The following CCDC9B variants were observed in gnomAD, a reference collection of about 807,000 sequenced individuals.
The protein encoded by CCDC9B is coiled-coil domain-containing protein 9B.
Under a neutral mutation model 47.2 loss-of-function variants are expected in CCDC9B, and 40 were observed. That is an observed-to-expected ratio of 0.85 (90% CI 0.66 to 1.10). CCDC9B has a LOEUF of 1.10. CCDC9B is among the 50% of genes least tolerant of loss of function. CCDC9B has a pLI of 0.00. For synonymous variants in CCDC9B, 238 were observed against 250.7 expected, an observed-to-expected ratio of 0.95 and a Z score of 0.48; for missense variants, 662 against 651.0, an observed-to-expected ratio of 1.02 and a Z score of -0.18.
At chr15:40,339,390 A>C in intron 3 of CCDC9B, 122 bp downstream of exon 3, 1 of 1,015,778 alleles carries the variant, frequency 9.8e-7, no homozygotes, top group Non-Finnish European at 1.5e-6. Context: ...GGAGGTTGGG[A>C]GCTGGCAGGT....
chr15:40,340,108 C>A, intron 1 of CCDC9B, 93 bp from the exon 2 acceptor site: 5 of 734,874 alleles, frequency 6.8e-6, no homozygotes, highest in Non-Finnish European at 1.1e-5. Context: ...GAAGAGATCC[C>A]AGACCCACAG....
At chr15:40,338,103 C>T (rs530061424) in intron 5 of CCDC9B, 7 of 729,064 alleles carry the variant, frequency 9.6e-6, no homozygotes, top group East Asian at 8.0e-5. Context: ...CTCATTTCCT[C>T]GTGTAAAATG....
At position 40,338,444 on chromosome 15, in the gene CCDC9B, C is replaced by G. The variant is rs933352474; in HGVS notation, c.513+91G>C. On this transcript the variant is annotated intron_variant, in intron 5 of 10. Transcript: ENST00000397536. ...GCATGTGCTCCCTTGGCCACGTCCC[C>G]GCAAATGAGGGACATATCTGACTCA... 10 of 1,462,620 alleles carry G rather than the reference C, an allele frequency of 6.8e-6. No homozygotes were observed. In the East Asian group the frequency reaches 1.1e-4, roughly 17 times the overall value. The allele number at this position is 1,462,620 out of a possible 1,614,324, so 90.6% of individuals were successfully genotyped here.
chr15:40,338,957 G>A (rs762520056), intron 3 of CCDC9B, 54 bp from the exon 4 acceptor site: 13 of 1,602,470 alleles, frequency 8.1e-6, no homozygotes, highest in African/African-American at 1.3e-5. Context: ...GGACCTGGGT[G>A]CTGGGTCCTC....
chr15:40,335,458 G>C lies in CCDC9B; in HGVS notation c.1173C>G (p.Ser391Arg), dbSNP rs772463785. ...CAGGCCTCAGACCGAGCACACACCC[G>C]CTCTCCCTGGGCCCAGGGATGCCAG... ...GGAGIPGPRESGCVLGLRPGA... is the reference protein window; with the variant it reads ...GGAGIPGPRERGCVLGLRPGA... The change falls in exon 11 of 11, where the codon AGC (serine) becomes AGG (arginine). Residue 391 changes from serine (S) to arginine (R), a missense_variant. Physicochemically the swap from Ser to Arg is moderately radical, Grantham distance 110. Coordinates refer to ENST00000397536, the MANE Select transcript of CCDC9B (RefSeq NM_207380.3). The C allele has an allele frequency of 6.2e-7, 1 of 1,603,228 alleles. No homozygotes were observed. The highest frequency in any genetic ancestry group is 2.3e-5 in the East Asian group (1 of 44,222).
At position 40,335,589 on chromosome 15, in the gene CCDC9B, A is replaced by T; in HGVS notation, c.1042T>A (p.Ser348Thr). ...GACTCCCCCTTCGGCCCCTCTGGGGATGCCAGGGCTGGGCTGGCTGCAGGG... is the reference window on the plus strand; with the variant it reads ...GACTCCCCCTTCGGCCCCTCTGGGGTTGCCAGGGCTGGGCTGGCTGCAGGG... Reference protein sequence around the residue: ...SAPAASPALASPEGPKGESVA... With the variant: ...SAPAASPALATPEGPKGESVA... Residue 348 changes from serine (S) to threonine (T), a missense_variant, in exon 11 of 11, where the codon TCC becomes ACC. Transcript: ENST00000397536. 1 of 1,500,550 alleles carries T rather than the reference A, an allele frequency of 6.7e-7. No homozygotes were observed. Among genetic ancestry groups the T allele is most frequent in the Non-Finnish European group, 8.9e-7 (1 of 1,122,288 alleles). The allele number at this position is 1,500,550 out of a possible 1,614,324, so 93.0% of individuals were successfully genotyped here.
At position 40,332,046 on chromosome 15, in the gene CCDC9B, G is replaced by GT. The variant is rs1888870049; in HGVS notation, c.*3111dup. On this transcript the variant is annotated 3_prime_UTR_variant, in exon 11 of 11. Transcript: ENST00000397536. ...CTCCTTTTTCCAGGCCCCCAGCCCT[G>GT]TGCCTGGGCTCCTGGCAGCTGTGTT... is the stretch of plus-strand genomic sequence containing the variant. The GT allele has an allele frequency of 2.0e-5, 3 of 152,358 alleles. No individual in the cohort carries two copies. The highest frequency in any genetic ancestry group is 7.2e-5 in the African/African-American group (3 of 41,564). 9.4% of individuals were successfully genotyped at this position (152,358 alleles called of 1,614,324 possible).
At chr15:40,336,129 G>T in intron 9 of CCDC9B, 1 of 985,394 alleles carries the variant, frequency 1.0e-6, no homozygotes, top group South Asian at 4.7e-5. Context: ...AAGCCCAAGG[G>T]TCTCAGACTG....
intron 2 of CCDC9B, 96 bp downstream of exon 2, chr15:40,339,809 G>A: frequency 7.2e-7 from 1 of 1,392,950 alleles, no homozygotes; most frequent in Non-Finnish European, 1.0e-6. Context: ...CCCAGCCCCA[G>A]AGGCGCATTG....
intron 1 of CCDC9B, 39 bp from the exon 2 acceptor site, chr15:40,340,054 C>A: frequency 7.8e-7 from 1 of 1,288,838 alleles, no homozygotes; most frequent in South Asian, 1.2e-5. Flanking sequence ...ACTTCCGGGT[C>A]CCCCTCTCAC....
intron 6 of CCDC9B, 21 bp downstream of exon 6, chr15:40,337,703 C>T (rs753801848): frequency 1.3e-6 from 2 of 1,572,886 alleles, no homozygotes; most frequent in African/African-American, 2.7e-5. Context: ...CACAGGCAAC[C>T]TGCCCAACCC....
chr15:40,340,603 G>A, intron 1 of CCDC9B: 1 of 583,318 alleles, frequency 1.7e-6, no homozygotes, highest in Non-Finnish European at 3.0e-6. Flanking sequence ...CCCCAGCCCA[G>A]GAGTCACCCT....
rs901459307 is a variant in CCDC9B at position 40,335,836 on chromosome 15, C to T, written c.888-10G>A. 1 of 1,608,738 alleles carries T rather than the reference C, an allele frequency of 6.2e-7. No homozygotes were observed. Among genetic ancestry groups the T allele is most frequent in the African/African-American group, 1.3e-5 (1 of 74,954 alleles). Reference sequence around the variant, plus strand: ...TTCCTTCATATCCCACCTGTAGAAACACAGCTCATGGCACGCCCCACCCCA... The same window carrying T: ...TTCCTTCATATCCCACCTGTAGAAATACAGCTCATGGCACGCCCCACCCCA... On this transcript the variant is annotated splice_polypyrimidine_tract_variant and intron_variant, in intron 9 of 10. Transcript: ENST00000397536.
At chr15:40,336,494 C>A in intron 9 of CCDC9B, 80 bp downstream of exon 9, 2 of 1,523,546 alleles carry the variant, frequency 1.3e-6, no homozygotes, top group Non-Finnish European at 8.8e-7. Context: ...AGGGATGGAG[C>A]TGGCACCTGG....
intron 9 of CCDC9B, 143 bp from the exon 10 acceptor site, chr15:40,335,969 C>T: frequency 6.7e-7 from 1 of 1,497,264 alleles, no homozygotes; most frequent in Non-Finnish European, 8.9e-7. Context: ...TCACACTGAG[C>T]AGTGGAGAAA....
At chr15:40,336,934 C>G (rs530847185) in intron 7 of CCDC9B, 121 bp from the exon 8 acceptor site, 1 of 932,516 alleles carries the variant, frequency 1.1e-6, no homozygotes, top group Non-Finnish European at 1.6e-6. Flanking sequence ...TTTGCCTCCC[C>G]AAAAGCGCCC....
rs750420083 is a variant in CCDC9B, at chr15:40,335,227, G to T, written c.1404C>A (p.Ser468Arg). The change falls in exon 11 of 11, where the codon AGC becomes AGA. Residue 468 changes from serine to arginine, a missense_variant. By Grantham distance (110) the Ser-to-Arg change is moderately radical. Transcript: ENST00000397536. Reference sequence around the variant, plus strand: ...CACCTGCTGTGCCTCTCGACCTTTGGCTGCCTCCTCTCGTGGGCCGGCTTC... The same window carrying T: ...CACCTGCTGTGCCTCTCGACCTTTGTCTGCCTCCTCTCGTGGGCCGGCTTC... ...APRSRPTRGG[S>R]QRSRGTAGVR... 6.3e-7 allele frequency: 1 copy of T among 1,583,266 alleles called. No homozygotes were observed. The highest frequency in any genetic ancestry group is 8.6e-7 in the Non-Finnish European group (1 of 1,162,886).
At chr15:40,335,899 G>T in intron 9 of CCDC9B, 73 bp from the exon 10 acceptor site, 1 of 1,560,766 alleles carries the variant, frequency 6.4e-7, no homozygotes, top group Non-Finnish European at 8.7e-7. Flanking sequence ...CTGAATAGAG[G>T]GGTGGGGTGG....
chr15:40,338,366 G>T (rs567255521), intron 5 of CCDC9B, among the ~76,000 whole-genome samples, 169 bp downstream of exon 5: 1 of 152,342 alleles, frequency 6.6e-6, no homozygotes, highest in South Asian at 2.1e-4. Flanking sequence ...CCACTTCAAG[G>T]CCCACCCAAA....
Sources: gnomAD v4.1 joint callset for allele counts (sites outside exome capture counted in the v4.1 genomes callset) on GRCh38, gnomAD v4.1.1 for gene constraint, MANE v1.5 for transcripts, NCBI Gene and HGNC (gene_info 2026-07-23, HGNC 2026-07-21) for gene names.